PLXNC1: variants seen among roughly 807,000 people sequenced by gnomAD.
The protein encoded by PLXNC1 is plexin-C1.
A neutral mutation model predicts 178.2 loss-of-function variants in PLXNC1; 75 were observed. That is an observed-to-expected ratio of 0.42 (90% confidence interval 0.35 to 0.51). PLXNC1 has a LOEUF of 0.51. Ranked by LOEUF, PLXNC1 falls within the 20% of genes least tolerant of loss-of-function variation. The pLI, the probability that PLXNC1 is intolerant of heterozygous loss-of-function variation, is 0.02. For missense variants in PLXNC1, 1,503 were observed against 1,984.4 expected (o/e 0.76, Z 4.61); for synonymous variants, 790 against 779.9 (o/e 1.01, Z -0.22).
At chr12:94,289,222 T>TA (rs1346724986) in intron 23 of PLXNC1, among the ~76,000 whole-genome samples, 32 of 152,208 alleles carry the variant, frequency 2.1e-4, no homozygotes, top group African/African-American at 7.2e-4. Flanking sequence ...GGAAATGACT[T>TA]AAAGTTGTTG....
At chr12:94,184,141 G>A (rs1477753375) in intron 3 of PLXNC1, among the ~76,000 whole-genome samples, 1 of 149,238 alleles carries the variant, frequency 6.7e-6, no homozygotes, top group Non-Finnish European at 1.5e-5. Context: ...TTTTTTTATG[G>A]AGTCTTGCTC....
chr12:94,186,281 A>T, intron 3 of PLXNC1, 92 bp from the exon 4 acceptor site: 1 of 842,278 alleles, frequency 1.2e-6, no homozygotes. Context: ...GTTGATAAAT[A>T]GGCTCTTTTT....
intron 10 of PLXNC1, among the ~76,000 whole-genome samples, chr12:94,239,809 G>A (rs1240166313): frequency 6.6e-6 from 1 of 152,250 alleles, no homozygotes; most frequent in African/African-American, 2.4e-5. Flanking sequence ...AATGCTGATT[G>A]ATTCTGAGAT....
At chr12:94,155,869 T>C (rs1350549723) in intron 1 of PLXNC1, among the ~76,000 whole-genome samples, 3 of 152,104 alleles carry the variant, frequency 2.0e-5, no homozygotes, top group African/African-American at 7.2e-5. Flanking sequence ...TCATGTACAG[T>C]TGGTTGCATG....
chr12:94,220,217 C>T (rs564747788), intron 6 of PLXNC1, 54 bp downstream of exon 6: 5 of 1,557,886 alleles, frequency 3.2e-6, no homozygotes, highest in Non-Finnish European at 3.5e-6. Context: ...AACAAGGGAA[C>T]CTCCTGAGTT....
At chr12:94,294,352 C>T in intron 23 of PLXNC1, 134 bp from the exon 24 acceptor site, 1 of 563,148 alleles carries the variant, frequency 1.8e-6, no homozygotes, top group Non-Finnish European at 3.3e-6. Flanking sequence ...GTGCCCAGAA[C>T]ATAGTAATTC....
intron 15 of PLXNC1, among the ~76,000 whole-genome samples, chr12:94,253,424 A>G (rs1209967173): frequency 1.3e-5 from 2 of 152,074 alleles, no homozygotes; most frequent in Non-Finnish European, 2.9e-5. Flanking sequence ...TGGAGCTAGA[A>G]AAAAATGAGC....
intron 4 of PLXNC1, among the ~76,000 whole-genome samples, chr12:94,190,405 G>A (rs61926948): frequency 0.17 from 26,011 of 152,030 alleles, 2,397 homozygotes; most frequent in Middle Eastern, 0.18. Context: ...ACCATGCCCA[G>A]GTTTTTTTTG....
intron 1 of PLXNC1, among the ~76,000 whole-genome samples, chr12:94,151,456 T>C (rs1006021123): frequency 1.3e-5 from 2 of 152,184 alleles, no homozygotes; most frequent in Non-Finnish European, 2.9e-5. Flanking sequence ...TTTAAAAATA[T>C]GTAAAAACAC....
chr12:94,284,457 C>T (rs1966693283), intron 23 of PLXNC1, among the ~76,000 whole-genome samples: 1 of 152,156 alleles, frequency 6.6e-6, no homozygotes, highest in Non-Finnish European at 1.5e-5. Context: ...ATCTGCTTCA[C>T]CGTCTTATAA....
chr12:94,226,560 A>C, intron 7 of PLXNC1, 45 bp from the exon 8 acceptor site: 2 of 1,311,890 alleles, frequency 1.5e-6, no homozygotes, highest in East Asian at 4.6e-5. Flanking sequence ...GGATGTGAAC[A>C]TTGTCCTAAA....
intron 7 of PLXNC1, among the ~76,000 whole-genome samples, chr12:94,225,582 G>A (rs1963914762): frequency 1.3e-5 from 2 of 152,222 alleles, no homozygotes; most frequent in South Asian, 4.1e-4. Flanking sequence ...CTCAAAGACA[G>A]TTGAAAGAAC....
Position 94,260,623 on chromosome 12 carries a change from C to T in PLXNC1, c.3252-19C>T, listed in dbSNP as rs749429941. ...CTAGGCCTGCAGCCAATGGTTCACC[C>T]AGCTCTCTTTTTCAACAGGTGTCTG... is the stretch of plus-strand genomic sequence containing the variant. On this transcript the variant is annotated intron_variant, in intron 19 of 30. Transcript: ENST00000258526. The surrounding 1 kb of genome is among the most constrained non-coding windows in gnomAD (Gnocchi z 4.4). 1.2e-5 allele frequency: 19 copies of T among 1,599,716 alleles called. No homozygotes were observed. Among genetic ancestry groups the T allele is most frequent in the South Asian group, 5.5e-5 (5 of 90,640 alleles).
chr12:94,254,028 T>C (rs549327232), intron 15 of PLXNC1, among the ~76,000 whole-genome samples: 21 of 152,216 alleles, frequency 1.4e-4, no homozygotes, highest in Non-Finnish European at 2.1e-4. Flanking sequence ...TGGTTGATTG[T>C]TGAATACCTA....
chr12:94,170,271 C>G (rs1312621124), intron 2 of PLXNC1, among the ~76,000 whole-genome samples: 2 of 152,084 alleles, frequency 1.3e-5, no homozygotes, highest in East Asian at 3.9e-4. Flanking sequence ...ACTAGACAAC[C>G]CAGAAAAACG....
intron 2 of PLXNC1, among the ~76,000 whole-genome samples, chr12:94,170,517 A>G (rs1384047376): frequency 6.6e-6 from 1 of 151,992 alleles, no homozygotes; most frequent in Non-Finnish European, 1.5e-5. Context: ...CTCCTCTTTG[A>G]TGACATCTAG....
At chr12:94,249,828 A>G (rs1964627266) in intron 14 of PLXNC1, among the ~76,000 whole-genome samples, 1 of 151,770 alleles carries the variant, frequency 6.6e-6, no homozygotes, top group Non-Finnish European at 1.5e-5. Context: ...AGACAAAAAC[A>G]TCTGCCTTTA....
chr12:94,291,049 G>A (rs1053055765), intron 23 of PLXNC1, among the ~76,000 whole-genome samples: 2 of 152,224 alleles, frequency 1.3e-5, no homozygotes, highest in African/African-American at 4.8e-5. Context: ...TTCCTTGCTT[G>A]GGGATTTGCG....
At chr12:94,280,111 T>C in intron 22 of PLXNC1, 1 of 323,508 alleles carries the variant, frequency 3.1e-6, no homozygotes, top group Non-Finnish European at 6.1e-6. Flanking sequence ...CATCTTCCTC[T>C]GCTAATCACA....
Sources: gnomAD v4.1 joint callset for allele counts (sites outside exome capture counted in the v4.1 genomes callset) on GRCh38, gnomAD v4.1.1 for gene constraint, Gnocchi (gnomAD v3.1) non-coding constraint, MANE v1.5 for transcripts, NCBI Gene and HGNC (gene_info 2026-07-23, HGNC 2026-07-21) for gene names.